SKIC3: variants seen among roughly 807,000 people sequenced by gnomAD.
SKIC3 encodes SKI3 subunit of superkiller complex.
chr5:95,464,967 C>G, the SKIC3 span, among the ~76,000 whole-genome samples: 2 of 142,196 alleles, frequency 1.4e-5, no homozygotes, highest in African/African-American at 5.4e-5. Context: ...CTCTGTCACC[C>G]AGGCTGGAGT....
At chr5:95,498,675 G>C in the SKIC3 span, 8 of 1,265,634 alleles carry the variant, frequency 6.3e-6, no homozygotes, top group African/African-American at 4.5e-5. Context: ...GCCCAGGCTG[G>C]AGTGCAGTGG....
chr5:95,529,956 G>T, the SKIC3 span: 1 of 1,049,954 alleles, frequency 9.5e-7, no homozygotes, highest in Non-Finnish European at 1.4e-6. Flanking sequence ...CCTAAGCAGA[G>T]TCCAAGGTAT....
the SKIC3 span, chr5:95,498,660 C>T: frequency 1.4e-6 from 2 of 1,414,160 alleles, no homozygotes; most frequent in Non-Finnish European, 1.9e-6. Flanking sequence ...GAGTCTCGCT[C>T]TGTCGCCCAG....
At chr5:95,523,398 AC>A in the SKIC3 span, 2 of 1,470,478 alleles carry the variant, frequency 1.4e-6, no homozygotes, top group Non-Finnish European at 1.9e-6. Context: ...TGTAAAGTAC[AC>A]AAACATATTT....
At chr5:95,549,464 A>G in the SKIC3 span, among the ~76,000 whole-genome samples, 19 of 152,190 alleles carry the variant, frequency 1.2e-4, 1 homozygote, top group Middle Eastern at 6.8e-3. Flanking sequence ...ATATAGAAAC[A>G]AACACCATTT....
chr5:95,541,872 A>C, the SKIC3 span: 1 of 1,612,988 alleles, frequency 6.2e-7, no homozygotes, highest in Non-Finnish European at 8.5e-7. Flanking sequence ...CTTAGCATTT[A>C]TGTGATTATA....
chr5:95,519,554 T>C, the SKIC3 span, among the ~76,000 whole-genome samples: 8 of 151,762 alleles, frequency 5.3e-5, no homozygotes, highest in Admixed American at 2.0e-4. Context: ...CAGCAAAAAA[T>C]GAGAAGAGAG....
the SKIC3 span, among the ~76,000 whole-genome samples, chr5:95,503,505 T>C: frequency 3.3e-5 from 5 of 152,244 alleles, no homozygotes; most frequent in Admixed American, 3.3e-4. Flanking sequence ...CTAAGCAGTG[T>C]AGAGTAGTAA....
chr5:95,512,727 G>T, the SKIC3 span: 2 of 1,273,416 alleles, frequency 1.6e-6, no homozygotes, highest in Non-Finnish European at 1.1e-6. Context: ...ACATCTCAGT[G>T]TTCTTTAAGT....
chr5:95,490,795 G>A, the SKIC3 span: 3 of 1,394,402 alleles, frequency 2.2e-6, no homozygotes, highest in Middle Eastern at 1.9e-4. Flanking sequence ...ACCATGCCCG[G>A]CCTAATGAAT....
the SKIC3 span, chr5:95,516,719 T>A: frequency 1.2e-6 from 2 of 1,613,388 alleles, no homozygotes. Flanking sequence ...TAAGTGATTA[T>A]TACTGTCGAG....
At chr5:95,497,503 A>G in the SKIC3 span, 3 of 1,610,808 alleles carry the variant, frequency 1.9e-6, no homozygotes, top group Non-Finnish European at 2.5e-6. Flanking sequence ...AGGAATCAAA[A>G]GTAGCAGGCT....
At chr5:95,497,445 C>CA in the SKIC3 span, 3 of 1,613,584 alleles carry the variant, frequency 1.9e-6, no homozygotes, top group Non-Finnish European at 2.5e-6. Flanking sequence ...TACTGTGCAA[C>CA]AACTCGAGAC....
the SKIC3 span, among the ~76,000 whole-genome samples, chr5:95,485,456 C>T: frequency 6.6e-6 from 1 of 152,186 alleles, no homozygotes; most frequent in Non-Finnish European, 1.5e-5. Flanking sequence ...TCAAATGGTA[C>T]ATCAATCTTG....
At chr5:95,489,265 C>A in the SKIC3 span, among the ~76,000 whole-genome samples, 1 of 151,536 alleles carries the variant, frequency 6.6e-6, no homozygotes, top group African/African-American at 2.4e-5. Context: ...ACAGCAAGAC[C>A]TCATCTCTTA....
chr5:95,508,807 C>T, the SKIC3 span, among the ~76,000 whole-genome samples: 9 of 151,988 alleles, frequency 5.9e-5, no homozygotes, highest in African/African-American at 1.5e-4. Flanking sequence ...CTGCTTGGCA[C>T]GCAGTAGTCA....
chr5:95,531,542 T>C, the SKIC3 span, among the ~76,000 whole-genome samples: 2 of 152,166 alleles, frequency 1.3e-5, no homozygotes, highest in African/African-American at 4.8e-5. Context: ...CTAGCAGCTT[T>C]TTCCCTTTTG....
chr5:95,510,044 G>C, the SKIC3 span, among the ~76,000 whole-genome samples: 2 of 151,972 alleles, frequency 1.3e-5, no homozygotes, highest in Non-Finnish European at 2.9e-5. Context: ...ATTAAATTTA[G>C]CAATAATTTC....
chr5:95,523,902 GAAGAT>G, the SKIC3 span: 12 of 1,429,530 alleles, frequency 8.4e-6, no homozygotes, highest in African/African-American at 1.6e-4. Flanking sequence ...TACAAATACA[GAAGAT>G]AAATACACAG....
Sources: allele counts gnomAD v4.1 joint callset (sites outside exome capture counted in the v4.1 genomes callset), GRCh38; gene constraint gnomAD v4.1.1; transcripts MANE v1.5; gene names NCBI Gene and HGNC (gene_info 2026-07-23, HGNC 2026-07-21).